SLC16A7: variants seen among roughly 807,000 people sequenced by gnomAD.
The protein encoded by SLC16A7 is monocarboxylate transporter 2.
SLC16A7 carries 33 observed loss-of-function variants against 34.9 expected under a neutral mutation model. The ratio of observed to expected loss-of-function variants is 0.94; its 90% CI spans 0.72 to 1.26. SLC16A7 has a LOEUF of 1.26. SLC16A7 is among the 50% of genes most tolerant of loss of function. The probability of loss-of-function intolerance (pLI) is 0.00; values close to 1 mark genes in which losing one functional copy is unlikely to be tolerated. For missense variants in SLC16A7, 573 were observed against 578.1 expected (o/e 0.99, Z 0.09); for synonymous variants, 201 against 206.6 (o/e 0.97, Z 0.23).
At position 59,774,801 on chromosome 12, in the gene SLC16A7, T is replaced by G. The variant is rs1317865835; in HGVS notation, c.506T>G (p.Phe169Cys). The change falls in exon 5 of 6, where the codon TTT becomes TGT. Residue 169 changes from phenylalanine (F) to cysteine (C), a missense_variant. By Grantham distance (205) the Phe-to-Cys change is radical. Transcript: ENST00000547379. ...TTGGCTCCTTTCAATCAGTACCTTT[T>G]TAATACTTTTGGCTGGAAAGGAAGC... is the stretch of plus-strand genomic sequence containing the variant. ...SSLAPFNQYL[F>C]NTFGWKGSFL... 1 of 1,613,826 alleles carries G rather than the reference T, an allele frequency of 6.2e-7. No homozygotes were observed. The highest frequency in any genetic ancestry group is 8.5e-7 in the Non-Finnish European group (1 of 1,179,966).
intron 3 of SLC16A7, among the ~76,000 whole-genome samples, chr12:59,759,127 A>G (rs1233941100): frequency 6.6e-6 from 1 of 152,034 alleles, no homozygotes; most frequent in Non-Finnish European, 1.5e-5. Flanking sequence ...AATAATAACC[A>G]TGTAACTTGG....
chr12:59,785,256 T>C lies in SLC16A7; in HGVS notation c.*5577T>C, dbSNP rs1227963793. ...TTTCTCTTCTTTCCTATCAGTTGTT[T>C]GTACACTGGAGATTTTAGCTCTTTA... On this transcript the variant is annotated 3_prime_UTR_variant, in exon 6 of 6. Coordinates refer to ENST00000547379, the MANE Select transcript of SLC16A7 (RefSeq NM_001270623.2). The C allele has an allele frequency of 6.6e-6, 1 of 152,222 alleles. No individual in the cohort carries two copies. Among genetic ancestry groups the C allele is most frequent in the Admixed American group, 6.5e-5 (1 of 15,280 alleles). 9.4% of individuals were successfully genotyped at this position (152,222 alleles called of 1,614,324 possible).
chr12:59,707,566 G>A (rs913921293), intron 3 of SLC16A7, among the ~76,000 whole-genome samples: 20 of 151,848 alleles, frequency 1.3e-4, no homozygotes, highest in Admixed American at 4.6e-4. Context: ...GAACTCTTCT[G>A]AAATTCATGA....
At chr12:59,715,215 T>A (rs1874756957) in intron 3 of SLC16A7, among the ~76,000 whole-genome samples, 1 of 152,154 alleles carries the variant, frequency 6.6e-6, no homozygotes, top group Non-Finnish European at 1.5e-5. Context: ...TAGGGGAGAT[T>A]TAGGGTTACA....
chr12:59,771,618 GCTTTTTTTC>G (rs1365325209), intron 4 of SLC16A7, among the ~76,000 whole-genome samples: 2 of 152,048 alleles, frequency 1.3e-5, no homozygotes, highest in Non-Finnish European at 2.9e-5. Context: ...GCTTTAGTTT[GCTTTTTTTC>G]CTTTTTTGCT....
At chr12:59,733,857 G>A (rs372190045) in intron 3 of SLC16A7, 38 of 455,174 alleles carry the variant, frequency 8.3e-5, no homozygotes, top group South Asian at 5.1e-4. Flanking sequence ...CTGCAGGCAG[G>A]TCGTCCTGAC....
In SLC16A7 at chr12:59,704,877, G is replaced by A. The variant is rs750905144; in HGVS notation, c.76G>A (p.Ala26Thr). The stretch of plus-strand genomic sequence containing the variant: ...ATGGGGTTGGATTGTGGTTGGAGCA[G>A]CTTTTATCTCCATTGGATTTTCCTA... ...GGWGWIVVGA[A>T]FISIGFSYAF... The change falls in exon 3 of 6, where the codon GCT becomes ACT. Residue 26 changes from alanine (A) to threonine (T), a missense_variant. By Grantham distance (58) the Ala-to-Thr change is moderately conservative. Transcript: ENST00000547379. 2.5e-6 allele frequency: 4 copies of A among 1,613,928 alleles called. No individual in the cohort carries two copies. The South Asian group carries it at 4.4e-5, about 18-fold the overall frequency.
chr12:59,604,135 A>G (rs927060080), intron 1 of SLC16A7, among the ~76,000 whole-genome samples: 3 of 152,334 alleles, frequency 2.0e-5, no homozygotes, highest in African/African-American at 7.2e-5. Flanking sequence ...CAACTTTAGG[A>G]AAGTCCACAA....
At chr12:59,672,102 GTA>G (rs373252001) in intron 2 of SLC16A7, among the ~76,000 whole-genome samples, 1,070 of 9,418 alleles carry the variant, frequency 0.11, 453 homozygotes, top group East Asian at 0.55. Flanking sequence ...GCATATATCC[GTA>G]TATATATGTG....
At chr12:59,704,398 T>C in intron 2 of SLC16A7, among the ~76,000 whole-genome samples, 1 of 151,990 alleles carries the variant, frequency 6.6e-6, no homozygotes, top group East Asian at 1.9e-4. Flanking sequence ...ACCAAAAGTA[T>C]CAATTAATGA....
chr12:59,691,978 G>A (rs891297165), intron 2 of SLC16A7, among the ~76,000 whole-genome samples: 7 of 152,096 alleles, frequency 4.6e-5, no homozygotes, highest in Middle Eastern at 3.4e-3. Context: ...GGCAGTCGTA[G>A]CAAACTACTA....
chr12:59,686,095 C>CTTTTTTTT (rs572779305), intron 2 of SLC16A7, among the ~76,000 whole-genome samples: 4 of 93,524 alleles, frequency 4.3e-5, no homozygotes, highest in Non-Finnish European at 4.2e-5. Flanking sequence ...AAGAACTTTT[C>CTTTTTTTT]TTTTTTTTTT....
intron 3 of SLC16A7, among the ~76,000 whole-genome samples, chr12:59,755,354 C>A (rs1880178823): frequency 6.6e-6 from 1 of 152,158 alleles, no homozygotes; most frequent in African/African-American, 2.4e-5. Flanking sequence ...ACCTAGAAAA[C>A]CCCATTGTCT....
At chr12:59,655,946 A>C (rs1868511915) in intron 2 of SLC16A7, among the ~76,000 whole-genome samples, 1 of 152,078 alleles carries the variant, frequency 6.6e-6, no homozygotes, top group Non-Finnish European at 1.5e-5. Context: ...TCTTTTCTGT[A>C]GACTGTTCTT....
chr12:59,619,727 T>C (rs1372422428), intron 1 of SLC16A7, among the ~76,000 whole-genome samples: 2 of 151,994 alleles, frequency 1.3e-5, no homozygotes, highest in Admixed American at 1.3e-4. Flanking sequence ...CTGGTGGCTC[T>C]GTTGGCATGT....
intron 2 of SLC16A7, among the ~76,000 whole-genome samples, chr12:59,658,185 TTC>T (rs1341674792): frequency 6.6e-6 from 1 of 152,016 alleles, no homozygotes; most frequent in East Asian, 1.9e-4. Context: ...AAAATGAGAT[TTC>T]TCTTTTTCCT....
chr12:59,648,025 A>G (rs930229431), intron 1 of SLC16A7, among the ~76,000 whole-genome samples: 10 of 152,100 alleles, frequency 6.6e-5, no homozygotes, highest in African/African-American at 2.4e-4. Flanking sequence ...CTGCACTCCA[A>G]CCTGGGTGAC....
rs576643542 is a variant in SLC16A7, at chr12:59,788,857, G to A, written c.*9178G>A. 24 of 151,930 alleles carry A rather than the reference G, an allele frequency of 1.6e-4. No individual in the cohort carries two copies. The highest frequency in any genetic ancestry group is 5.1e-4 in the African/African-American group (21 of 41,408). The allele number at this position is 151,930 out of a possible 1,614,324, so 9.4% of individuals were successfully genotyped here. Reference sequence around the variant, plus strand: ...TTTATTTAAATCAGGAATATTTTACGTTGTTGATCATTTTTAAAGTATATT... The same window carrying A: ...TTTATTTAAATCAGGAATATTTTACATTGTTGATCATTTTTAAAGTATATT... On this transcript the variant is annotated 3_prime_UTR_variant, in exon 6 of 6. Transcript: ENST00000547379.
chr12:59,599,844 A>AT (rs1592375862), intron 1 of SLC16A7, among the ~76,000 whole-genome samples: 3 of 152,210 alleles, frequency 2.0e-5, no homozygotes, highest in African/African-American at 7.2e-5. Flanking sequence ...TGATTCTTAT[A>AT]TTTTACCTTG....
Sources: allele counts gnomAD v4.1 joint callset (sites outside exome capture counted in the v4.1 genomes callset), GRCh38; gene constraint gnomAD v4.1.1; transcripts MANE v1.5; gene names NCBI Gene and HGNC (gene_info 2026-07-23, HGNC 2026-07-21).